The following TANC2 variants were observed in gnomAD, a reference collection of about 807,000 sequenced individuals.
The protein encoded by TANC2 is protein TANC2.
Under a neutral mutation model 210.5 loss-of-function variants are expected in TANC2, and 26 were observed. The ratio of observed to expected loss-of-function variants is 0.12; its 90% confidence interval spans 0.09 to 0.17. The LOEUF (loss-of-function observed/expected upper bound fraction) is 0.17, where lower values mean the gene tolerates loss of function less well. Ranked by LOEUF, TANC2 falls within the 10% of genes least tolerant of loss-of-function variation. The pLI, the probability that TANC2 is intolerant of heterozygous loss-of-function variation, is 1.00. For missense variants in TANC2, 2,129 were observed against 2,608.9 expected, an observed-to-expected ratio of 0.82 and a Z score of 4.01; for synonymous variants, 931 against 967.1, an observed-to-expected ratio of 0.96 and a Z score of 0.69.
intron 1 of TANC2, among the ~76,000 whole-genome samples, chr17:63,009,128 ATTAC>A (rs1568313555): frequency 4.0e-5 from 6 of 151,884 alleles, no homozygotes; most frequent in African/African-American, 9.7e-5. Flanking sequence ...TAGCACTTTT[ATTAC>A]TTTTTAATTT....
chr17:63,155,770 CAA>C (rs2039813893), intron 5 of TANC2, among the ~76,000 whole-genome samples: 2 of 152,198 alleles, frequency 1.3e-5, no homozygotes, highest in Admixed American at 6.5e-5. Flanking sequence ...ATTTAAAACT[CAA>C]AGAGAAAACA....
At chr17:63,375,880 G>A (rs2047408098) in intron 14 of TANC2, among the ~76,000 whole-genome samples, 1 of 152,062 alleles carries the variant, frequency 6.6e-6, no homozygotes, top group African/African-American at 2.4e-5. Flanking sequence ...ATGAGATCAG[G>A]AGTTCAAGTC....
intron 1 of TANC2, chr17:63,004,793 C>T (rs540531704): frequency 4.0e-5 from 14 of 350,226 alleles, no homozygotes; most frequent in African/African-American, 1.3e-4. Flanking sequence ...TCCCCTTACC[C>T]GCTTTGGGTA....
chr17:63,124,380 A>G (rs776915791), intron 4 of TANC2, among the ~76,000 whole-genome samples: 8 of 152,162 alleles, frequency 5.3e-5, no homozygotes, highest in Non-Finnish European at 1.2e-4. Flanking sequence ...TTTGCTGGAA[A>G]CTGAGGCTTG....
chr17:63,322,812 A>G (rs1265630420), intron 11 of TANC2, among the ~76,000 whole-genome samples: 1 of 152,234 alleles, frequency 6.6e-6, no homozygotes, highest in Non-Finnish European at 1.5e-5. Flanking sequence ...AGAAGTCCCA[A>G]GATGTTCATG....
rs1213440667 is a variant in TANC2, at chr17:63,379,631, C to T, written c.2583-87C>T. On this transcript the variant is annotated intron_variant, in intron 14 of 27. Coordinates refer to ENST00000689528, the Ensembl canonical transcript of TANC2. ...CTGCAGTGAGCCGAGATTGCGCCAC[C>T]GCACTCTAGTCTGGGCAACAGAGTG... 1.5e-5 allele frequency: 16 copies of T among 1,052,168 alleles called. No homozygotes were observed. In the East Asian group the frequency reaches 2.5e-4, roughly 16 times the overall value. The allele number at this position is 1,052,168 out of a possible 1,614,324, so 65.2% of individuals were successfully genotyped here.
At chr17:63,302,142 CT>C (rs1394668897) in intron 9 of TANC2, among the ~76,000 whole-genome samples, 1 of 152,122 alleles carries the variant, frequency 6.6e-6, no homozygotes, top group Non-Finnish European at 1.5e-5. Flanking sequence ...GTCTGAGAAA[CT>C]GTTTTTTATT....
At chr17:63,291,476 T>G (rs1019894386) in intron 9 of TANC2, among the ~76,000 whole-genome samples, 9 of 152,212 alleles carry the variant, frequency 5.9e-5, no homozygotes, top group African/African-American at 2.2e-4. Context: ...GGAATGTACA[T>G]ACCCTCTGAC....
chr17:63,161,605 A>G (rs1183037417), intron 5 of TANC2, among the ~76,000 whole-genome samples: 1 of 152,054 alleles, frequency 6.6e-6, no homozygotes, highest in Non-Finnish European at 1.5e-5. Flanking sequence ...TCATTTTCAT[A>G]GTGTATTTTG....
intron 4 of TANC2, chr17:63,149,401 C>T (rs1333737187): frequency 6.6e-6 from 1 of 152,012 alleles, no homozygotes; most frequent in African/African-American, 2.4e-5. Flanking sequence ...TTTTTTCTTA[C>T]ATTTCTACCT....
chr17:63,063,575 T>TAG (rs1555772169), intron 2 of TANC2, among the ~76,000 whole-genome samples: 11,733 of 132,270 alleles, frequency 0.089, 802 homozygotes, highest in African/African-American at 0.17. Flanking sequence ...TGTGTGTGTG[T>TAG]AGATATATCT....
In TANC2 at chr17:63,398,919, C is replaced by T. The variant is rs759267375; in HGVS notation, c.3331+5C>T. 22 of 1,573,398 alleles carry T rather than the reference C, an allele frequency of 1.4e-5. No individual in the cohort carries two copies. The African/African-American group carries it at 1.6e-4, about 12-fold the overall frequency. On this transcript the variant is annotated splice_donor_5th_base_variant and intron_variant, in intron 19 of 27. Coordinates refer to ENST00000689528, the Ensembl canonical transcript of TANC2. ...ACAGTCTCTGGGGAGAGACAGGTAC[C>T]TCTCATGGACGTTGCCCTCAAGAAT...
At chr17:63,227,258 G>C (rs1297615645) in intron 7 of TANC2, among the ~76,000 whole-genome samples, 1 of 152,104 alleles carries the variant, frequency 6.6e-6, no homozygotes, top group Non-Finnish European at 1.5e-5. Flanking sequence ...AGCCTTGCCA[G>C]TGTCTGTTGT....
At chr17:63,142,622 T>C (rs1348012939) in intron 4 of TANC2, among the ~76,000 whole-genome samples, 1 of 152,188 alleles carries the variant, frequency 6.6e-6, no homozygotes, top group African/African-American at 2.4e-5. Context: ...TTAATCTTTA[T>C]GGTTTTATTT....
At chr17:63,405,034 A>C in intron 19 of TANC2, 88 bp from the exon 20 acceptor site, 1 of 1,349,930 alleles carries the variant, frequency 7.4e-7, no homozygotes, top group Non-Finnish European at 9.7e-7. Flanking sequence ...CAATTACATT[A>C]ATGAAACACA....
intron 8 of TANC2, among the ~76,000 whole-genome samples, chr17:63,266,584 C>T (rs2043535737): frequency 6.6e-6 from 1 of 151,976 alleles, no homozygotes; most frequent in Non-Finnish European, 1.5e-5. Flanking sequence ...TTATAATCAG[C>T]TATTTGGTAA....
intron 8 of TANC2, among the ~76,000 whole-genome samples, chr17:63,267,497 C>T (rs2043564960): frequency 6.6e-6 from 1 of 152,044 alleles, no homozygotes; most frequent in Admixed American, 6.6e-5. Flanking sequence ...GGTTATAGAA[C>T]CTCTTAGCAA....
At chr17:63,038,682 TTATG>T (rs2035069026) in intron 2 of TANC2, among the ~76,000 whole-genome samples, 2 of 152,180 alleles carry the variant, frequency 1.3e-5, no homozygotes, top group South Asian at 4.1e-4. Flanking sequence ...ACTATAGACT[TTATG>T]TAATAGTTAT....
At chr17:63,035,489 C>T (rs1423225124) in intron 2 of TANC2, among the ~76,000 whole-genome samples, 1 of 152,186 alleles carries the variant, frequency 6.6e-6, no homozygotes, top group African/African-American at 2.4e-5. Context: ...TTTCACTTGG[C>T]ATAATGCCTT....
Sources: allele counts gnomAD v4.1 joint callset (sites outside exome capture counted in the v4.1 genomes callset), GRCh38; gene constraint gnomAD v4.1.1; transcripts MANE v1.5; gene names NCBI Gene and HGNC (gene_info 2026-07-23, HGNC 2026-07-21).